The following SLC9B1 variants were observed in gnomAD, a reference collection of about 807,000 sequenced individuals.
SLC9B1 encodes the protein sodium/hydrogen exchanger 9B1.
Under a neutral mutation model 51.7 loss-of-function variants are expected in SLC9B1, and 32 were observed. The ratio of observed to expected loss-of-function variants is 0.62; its 90% CI spans 0.47 to 0.83. The LOEUF (loss-of-function observed/expected upper bound fraction) is 0.83. Ranked by LOEUF, SLC9B1 falls within the 40% of genes least tolerant of loss-of-function variation. SLC9B1 has a pLI of 0.00. For synonymous variants in SLC9B1, 145 were observed against 212.7 expected, an observed-to-expected ratio of 0.68 and a Z score of 2.77; for missense variants, 406 against 613.2, an observed-to-expected ratio of 0.66 and a Z score of 3.57.
chr4:102,966,622 T>A (rs1364018959), intron 3 of SLC9B1, among the ~76,000 whole-genome samples: 6 of 152,136 alleles, frequency 3.9e-5, no homozygotes, highest in African/African-American at 1.4e-4. Flanking sequence ...GATGCATGGA[T>A]TCTGTCTCTT....
intron 1 of SLC9B1, among the ~76,000 whole-genome samples, chr4:102,993,698 G>T (rs994192976): frequency 1.1e-4 from 16 of 152,202 alleles, no homozygotes; most frequent in Admixed American, 8.5e-4. Context: ...TCTCCATGAG[G>T]GCTCTGCCAC....
At chr4:102,986,909 C>A (rs1297778320) in intron 3 of SLC9B1, among the ~76,000 whole-genome samples, 1 of 152,112 alleles carries the variant, frequency 6.6e-6, no homozygotes, top group Non-Finnish European at 1.5e-5. Flanking sequence ...TTTAACATAA[C>A]TTTTAAATTC....
chr4:102,947,010 CAAGGA>C (rs1737300584), intron 4 of SLC9B1, among the ~76,000 whole-genome samples: 1 of 151,982 alleles, frequency 6.6e-6, no homozygotes, highest in African/African-American at 2.4e-5. Flanking sequence ...ACATACAGGG[CAAGGA>C]AAGGAGGGAG....
chr4:102,966,443 G>C (rs1443235682), intron 3 of SLC9B1, among the ~76,000 whole-genome samples: 2 of 152,216 alleles, frequency 1.3e-5, no homozygotes, highest in African/African-American at 2.4e-5. Flanking sequence ...GTCATGAGCT[G>C]TACCTGAGGC....
At position 102,913,822 on chromosome 4, in the gene SLC9B1, C is replaced by T. The variant is rs1290198099; in HGVS notation, c.830-2285G>A. Among the ~76,000 whole-genome samples the T allele has an allele frequency of 3.0e-5, 4 of 131,672 alleles. No individual in the cohort carries two copies. The South Asian group carries it at 9.5e-4, about 31-fold the overall frequency. 86.4% of individuals were successfully genotyped at this position (131,672 alleles called of 152,430 possible). ...AAAAAAAAAAAAAAAAAAAAAGGAACCATACAGAAACTCTGAAGCTAAGGA... is the reference window on the plus strand; with the variant it reads ...AAAAAAAAAAAAAAAAAAAAAGGAATCATACAGAAACTCTGAAGCTAAGGA... On this transcript the variant is annotated intron_variant, in intron 7 of 11. Coordinates refer to ENST00000296422, the MANE Select transcript of SLC9B1 (RefSeq NM_139173.4).
chr4:102,983,320 C>T (rs915809668), intron 3 of SLC9B1, among the ~76,000 whole-genome samples: 2 of 152,082 alleles, frequency 1.3e-5, no homozygotes, highest in African/African-American at 4.8e-5. Context: ...ATTTTTGCAT[C>T]TATGTGCATG....
chr4:102,949,359 T>G lies in SLC9B1; in HGVS notation c.280A>C (p.Asn94His). ...ILGSEALPGG[N>H]LFGLFIIFYS... The stretch of plus-strand genomic sequence containing the variant: ...AAAATAATGAACAACCCAAATAAAT[T>G]TCCACCAGGGAGAGCTTCAGAGCCT... Residue 94 changes from asparagine to histidine, a missense_variant, in exon 4 of 12, where the codon AAT (asparagine) becomes CAT (histidine). Coordinates refer to ENST00000296422, the MANE Select transcript of SLC9B1 (RefSeq NM_139173.4). 6.2e-7 allele frequency: 1 copy of G among 1,610,748 alleles called. No individual in the cohort carries two copies. The highest frequency in any genetic ancestry group is 8.5e-7 in the Non-Finnish European group (1 of 1,179,352).
At chr4:102,993,725 C>A (rs1410657644) in intron 1 of SLC9B1, among the ~76,000 whole-genome samples, 1 of 152,210 alleles carries the variant, frequency 6.6e-6, no homozygotes, top group Non-Finnish European at 1.5e-5. Context: ...AAACTTCTGC[C>A]TGGATATCCA....
chr4:102,986,756 A>C (rs925892283), intron 3 of SLC9B1, among the ~76,000 whole-genome samples: 1 of 152,134 alleles, frequency 6.6e-6, no homozygotes, highest in Non-Finnish European at 1.5e-5. Flanking sequence ...TGTCCAGCCT[A>C]CTAATAAGCC....
intron 4 of SLC9B1, among the ~76,000 whole-genome samples, chr4:102,948,734 T>C (rs1279597929): frequency 6.6e-6 from 1 of 152,132 alleles, no homozygotes; most frequent in African/African-American, 2.4e-5. Context: ...AAATACCACA[T>C]GTTCTCACTT....
chr4:102,996,381 A>C (rs931789214), intron 1 of SLC9B1, among the ~76,000 whole-genome samples: 2 of 152,134 alleles, frequency 1.3e-5, no homozygotes, highest in Non-Finnish European at 2.9e-5. Context: ...AAGATACTTT[A>C]ATTTGGCCCA....
At chr4:102,936,585 A>C (rs1736736025) in intron 6 of SLC9B1, among the ~76,000 whole-genome samples, 1 of 152,220 alleles carries the variant, frequency 6.6e-6, no homozygotes. Flanking sequence ...GAGCTGAAAA[A>C]TGCGCCTCAA....
chr4:102,929,456 A>G (rs1736341432), intron 7 of SLC9B1, among the ~76,000 whole-genome samples: 1 of 152,232 alleles, frequency 6.6e-6, no homozygotes, highest in Non-Finnish European at 1.5e-5. Context: ...TATTCAATAA[A>G]AGCTAATGTT....
At chr4:102,915,971 C>A (rs1735558723) in intron 7 of SLC9B1, among the ~76,000 whole-genome samples, 1 of 151,822 alleles carries the variant, frequency 6.6e-6, no homozygotes, top group African/African-American at 2.4e-5. Flanking sequence ...CCCAAGCATG[C>A]CCCTACCAAA....
At chr4:102,999,711 TA>T (rs1740418868) in intron 1 of SLC9B1, among the ~76,000 whole-genome samples, 1 of 152,218 alleles carries the variant, frequency 6.6e-6, no homozygotes, top group South Asian at 2.1e-4. Context: ...TGCTCAGTTT[TA>T]TTTCAATTTG....
At chr4:102,925,437 G>T (rs1382390980) in intron 7 of SLC9B1, among the ~76,000 whole-genome samples, 1 of 152,006 alleles carries the variant, frequency 6.6e-6, no homozygotes, top group Non-Finnish European at 1.5e-5. Flanking sequence ...AGCATTAGGA[G>T]ATATATCTAA....
chr4:102,973,118 A>T (rs1738850415), intron 3 of SLC9B1, among the ~76,000 whole-genome samples: 1 of 152,184 alleles, frequency 6.6e-6, no homozygotes, highest in South Asian at 2.1e-4. Context: ...ATTTATCAAT[A>T]ACCACAATAA....
chr4:102,891,557 G>T (rs1734250502), intron 11 of SLC9B1: 1 of 152,056 alleles, frequency 6.6e-6, no homozygotes, highest in South Asian at 2.1e-4. Flanking sequence ...TGCATTTGGT[G>T]GTAACAATTT....
At chr4:102,959,922 G>A (rs6815540) in intron 3 of SLC9B1, among the ~76,000 whole-genome samples, 83,001 of 151,826 alleles carry the variant, frequency 0.55, 23,244 homozygotes, top group African/African-American at 0.68. Context: ...AATAATCTGT[G>A]CAACAAATCC....
Sources: gnomAD v4.1 joint callset for allele counts (sites outside exome capture counted in the v4.1 genomes callset) on GRCh38, gnomAD v4.1.1 for gene constraint, MANE v1.5 for transcripts, NCBI Gene and HGNC (gene_info 2026-07-23, HGNC 2026-07-21) for gene names.